Variants in CTSC observed in about 807,000 individuals in gnomAD.
The protein encoded by CTSC is dipeptidyl peptidase 1.
Under a neutral mutation model 40.9 loss-of-function variants are expected in CTSC, and 37 were observed. The observed-to-expected ratio is 0.91, with a 90% CI of 0.70 to 1.19. The LOEUF (loss-of-function observed/expected upper bound fraction) is 1.19. Ranked by LOEUF, CTSC falls within the 50% of genes most tolerant of loss-of-function variation. The pLI is 0.00. For missense variants in CTSC, 594 were observed against 567.3 expected (o/e 1.05, Z -0.48); for synonymous variants, 232 against 207.4 (o/e 1.12, Z -1.02).
chr11:88,324,962 G>A, intron 2 of CTSC: 1 of 985,254 alleles, frequency 1.0e-6, no homozygotes, highest in South Asian at 4.7e-5. Context: ...TGAATCAACA[G>A]AGTAAGGATG....
intron 5 of CTSC, 74 bp from the exon 6 acceptor site, chr11:88,296,338 G>A: frequency 6.4e-7 from 1 of 1,564,354 alleles, no homozygotes; most frequent in Non-Finnish European, 8.8e-7. Flanking sequence ...AAACCTTAGT[G>A]AATCACATAC....
At chr11:88,317,912 A>G (rs1937915732) in intron 2 of CTSC, among the ~76,000 whole-genome samples, 1 of 152,224 alleles carries the variant, frequency 6.6e-6, no homozygotes, top group Non-Finnish European at 1.5e-5. Flanking sequence ...TGATTCAATA[A>G]CTATCCATTT....
At chr11:88,299,194 C>T (rs1363480270) in intron 5 of CTSC, 1 of 152,136 alleles carries the variant, frequency 6.6e-6, no homozygotes, top group African/African-American at 2.4e-5. Flanking sequence ...GCCAGGACCT[C>T]AATGATAAAG....
Position 88,309,299 on chromosome 11 carries a change from T to G in CTSC, c.505A>C (p.Lys169Gln). The G allele has an allele frequency of 6.2e-7, 1 of 1,613,814 alleles. No individual in the cohort carries two copies. The highest frequency in any genetic ancestry group is 1.3e-5 in the African/African-American group (1 of 75,048). The change falls in exon 4 of 7, where the codon AAG (lysine) becomes CAG (glutamine). Residue 169 changes from lysine (K) to glutamine (Q), a missense_variant. Physicochemically the swap from Lys to Gln is moderately conservative, Grantham distance 53 (BLOSUM62 1). Coordinates refer to ENST00000227266, the MANE Select transcript of CTSC (RefSeq NM_001814.6). Reference sequence around the variant, plus strand: ...GCTTTCACAAAGTTGTGATCATACTTGTAGAGCCTATTAGAATACCTGTCC... The same window carrying G: ...GCTTTCACAAAGTTGTGATCATACTGGTAGAGCCTATTAGAATACCTGTCC... ...SQEKYSNRLY[K>Q]YDHNFVKAIN... is the part of the protein sequence containing the mutation.
intron 2 of CTSC, among the ~76,000 whole-genome samples, chr11:88,316,494 A>AATAC (rs1157913361): frequency 6.6e-6 from 1 of 151,758 alleles, no homozygotes; most frequent in East Asian, 1.9e-4. Context: ...TAAATAAATA[A>AATAC]ATAAATAAAT....
chr11:88,314,927 C>A (rs1269608955), intron 2 of CTSC, among the ~76,000 whole-genome samples: 1 of 152,148 alleles, frequency 6.6e-6, no homozygotes, highest in Non-Finnish European at 1.5e-5. Context: ...CCTGCTAAAA[C>A]CCTACTCAAT....
chr11:88,327,579 A>T (rs1436702433), intron 2 of CTSC, among the ~76,000 whole-genome samples: 1 of 152,220 alleles, frequency 6.6e-6, no homozygotes, highest in African/African-American at 2.4e-5. Flanking sequence ...CTCCTCAGTG[A>T]ATAGTCTATT....
At chr11:88,319,926 T>C (rs929829795) in intron 2 of CTSC, among the ~76,000 whole-genome samples, 3 of 152,212 alleles carry the variant, frequency 2.0e-5, no homozygotes, top group Non-Finnish European at 4.4e-5. Flanking sequence ...TGTTTCCATT[T>C]TTGCCCTTTG....
chr11:88,314,721 T>C (rs1307979438), intron 2 of CTSC, among the ~76,000 whole-genome samples: 1 of 152,098 alleles, frequency 6.6e-6, no homozygotes, highest in African/African-American at 2.4e-5. Flanking sequence ...AGAGATAGGG[T>C]TTCACCATGT....
intron 2 of CTSC, among the ~76,000 whole-genome samples, chr11:88,331,044 G>A (rs765262707): frequency 2.6e-5 from 4 of 152,218 alleles, no homozygotes; most frequent in African/African-American, 4.8e-5. Context: ...GAATGCTGTG[G>A]TGTGGAAAAA....
intron 2 of CTSC, 144 bp from the exon 3 acceptor site, chr11:88,312,698 A>G: frequency 1.1e-6 from 1 of 914,562 alleles, no homozygotes; most frequent in South Asian, 1.6e-5. Context: ...GAATTATTCT[A>G]GAAAAAGAAG....
At chr11:88,302,456 T>A (rs1369468100) in intron 4 of CTSC, among the ~76,000 whole-genome samples, 2 of 151,748 alleles carry the variant, frequency 1.3e-5, no homozygotes, top group East Asian at 1.9e-4. Context: ...ACCCCGTCCC[T>A]ACTAAAAATA....
intron 2 of CTSC, among the ~76,000 whole-genome samples, chr11:88,326,865 G>T (rs921240494): frequency 2.0e-5 from 3 of 152,126 alleles, no homozygotes; most frequent in African/African-American, 4.8e-5. Flanking sequence ...AATTACCAGG[G>T]TTTATCTTTT....
At chr11:88,305,642 G>A (rs1937624772) in intron 4 of CTSC, among the ~76,000 whole-genome samples, 1 of 152,184 alleles carries the variant, frequency 6.6e-6, no homozygotes, top group Non-Finnish European at 1.5e-5. Context: ...TCTTAGAACA[G>A]AACTAATTTA....
chr11:88,330,712 G>C (rs1380145570), intron 2 of CTSC, among the ~76,000 whole-genome samples: 3 of 152,230 alleles, frequency 2.0e-5, no homozygotes, highest in East Asian at 3.9e-4. Context: ...AAAAACTTTA[G>C]ATGTCAAACT....
chr11:88,325,917 C>T, intron 2 of CTSC: 1 of 989,992 alleles, frequency 1.0e-6, no homozygotes. Context: ...TTACAACAGG[C>T]TCTTGGGTTC....
chr11:88,328,083 A>T (rs745389253), intron 2 of CTSC: 1 of 1,510,390 alleles, frequency 6.6e-7, no homozygotes, highest in Non-Finnish European at 9.2e-7. Context: ...TTTTAATAAG[A>T]AAGTTAGAAA....
intron 5 of CTSC, chr11:88,297,485 G>A (rs1451870603): frequency 2.0e-5 from 3 of 152,072 alleles, no homozygotes; most frequent in African/African-American, 7.2e-5. Flanking sequence ...GGAAACCAAT[G>A]TCAAAGAAAT....
At chr11:88,308,869 G>A (rs191510675) in intron 4 of CTSC, among the ~76,000 whole-genome samples, 4 of 152,078 alleles carry the variant, frequency 2.6e-5, no homozygotes, top group Admixed American at 6.5e-5. Context: ...GGTGGTTACC[G>A]GCAGGAGGCT....
Sources: gnomAD v4.1 joint callset for allele counts (sites outside exome capture counted in the v4.1 genomes callset) on GRCh38, gnomAD v4.1.1 for gene constraint, MANE v1.5 for transcripts, NCBI Gene and HGNC (gene_info 2026-07-23, HGNC 2026-07-21) for gene names.